Variants in CCDC102B observed in about 807,000 individuals in gnomAD.
The protein encoded by CCDC102B is coiled-coil domain containing 102B.
Under a neutral mutation model 57.4 loss-of-function variants are expected in CCDC102B, and 75 were observed. The ratio of observed to expected loss-of-function variants is 1.31; its 90% CI spans 1.08 to 1.58. The LOEUF is 1.58. Among genes scored for constraint, CCDC102B ranks in the 40% most tolerant of loss-of-function variants. The pLI is 0.00. For synonymous variants in CCDC102B, 206 were observed against 201.9 expected (o/e 1.02, Z -0.17); for missense variants, 636 against 582.6 (o/e 1.09, Z -0.94).
At chr18:68,724,751 A>G (rs945142864) in intron 2 of CCDC102B, among the ~76,000 whole-genome samples, 1 of 152,152 alleles carries the variant, frequency 6.6e-6, no homozygotes, top group South Asian at 2.1e-4. Flanking sequence ...AGTCTCTAGG[A>G]AGTTCCAAAC....
At chr18:69,048,906 T>G (rs2052630882) in intron 7 of CCDC102B, among the ~76,000 whole-genome samples, 1 of 152,122 alleles carries the variant, frequency 6.6e-6, no homozygotes, top group Non-Finnish European at 1.5e-5. Context: ...TTATTTATTT[T>G]TATTTATTTA....
chr18:68,874,801 A>G lies in CCDC102B; in HGVS notation c.1053+16A>G. 1 of 1,397,178 alleles carries G rather than the reference A, an allele frequency of 7.2e-7. No homozygotes were observed. The highest frequency in any genetic ancestry group is 1.2e-5 in the South Asian group (1 of 86,332). 86.5% of individuals were successfully genotyped at this position (1,397,178 alleles called of 1,614,324 possible). ...AAGAGCAGAGGTAAGACACTGGGTAAAGAGTACCATATATATTAAAACATA... is the reference window on the plus strand; with the variant it reads ...AAGAGCAGAGGTAAGACACTGGGTAGAGAGTACCATATATATTAAAACATA... On this transcript the variant is annotated intron_variant, in intron 5 of 7. Coordinates refer to ENST00000360242, the MANE Select transcript of CCDC102B (RefSeq NM_024781.3).
intron 2 of CCDC102B, among the ~76,000 whole-genome samples, chr18:68,749,036 T>C (rs1178806810): frequency 1.3e-5 from 2 of 152,174 alleles, no homozygotes; most frequent in African/African-American, 4.8e-5. Flanking sequence ...ATAGGGAATC[T>C]TTTCCCCACT....
At chr18:69,032,652 G>A (rs1240611027) in intron 7 of CCDC102B, among the ~76,000 whole-genome samples, 1 of 152,016 alleles carries the variant, frequency 6.6e-6, no homozygotes, top group Non-Finnish European at 1.5e-5. Context: ...TTATCAAGGC[G>A]GCACACCATA....
chr18:68,933,223 A>ACT (rs1415292061), intron 6 of CCDC102B, among the ~76,000 whole-genome samples: 1 of 151,850 alleles, frequency 6.6e-6, no homozygotes, highest in Non-Finnish European at 1.5e-5. Flanking sequence ...GGGCTGGCTG[A>ACT]CTCTAACAAT....
At chr18:69,021,413 G>GT (rs1483149126) in intron 7 of CCDC102B, among the ~76,000 whole-genome samples, 1 of 152,166 alleles carries the variant, frequency 6.6e-6, no homozygotes, top group Non-Finnish European at 1.5e-5. Context: ...GACACAGACA[G>GT]TGACAGTTTC....
intron 5 of CCDC102B, among the ~76,000 whole-genome samples, chr18:68,880,123 G>C (rs970243473): frequency 2.0e-5 from 3 of 152,202 alleles, no homozygotes; most frequent in African/African-American, 7.2e-5. Flanking sequence ...GCGGGCTGCA[G>C]GTCCCGAGCC....
chr18:69,051,476 A>G (rs1215792061), intron 7 of CCDC102B, among the ~76,000 whole-genome samples: 1 of 152,050 alleles, frequency 6.6e-6, no homozygotes, highest in African/African-American at 2.4e-5. Flanking sequence ...ATTATCCCAT[A>G]GAGTTAATGA....
At chr18:68,912,225 C>T (rs1295041438) in intron 6 of CCDC102B, among the ~76,000 whole-genome samples, 1 of 152,118 alleles carries the variant, frequency 6.6e-6, no homozygotes, top group African/African-American at 2.4e-5. Context: ...GAGCAACAGC[C>T]TCCTGATTCT....
At chr18:68,956,360 A>ATAATATATATT in intron 6 of CCDC102B, among the ~76,000 whole-genome samples, 1 of 74,942 alleles carries the variant, frequency 1.3e-5, no homozygotes, top group East Asian at 5.2e-4. Context: ...TAATATATAT[A>ATAATATATATT]ATATATATAT....
intron 5 of CCDC102B, among the ~76,000 whole-genome samples, chr18:68,892,960 A>G (rs2040130201): frequency 6.6e-6 from 1 of 152,190 alleles, no homozygotes; most frequent in African/African-American, 2.4e-5. Context: ...TTGCAAATCA[A>G]TTACTGGAAC....
chr18:69,048,806 C>T (rs530560239), intron 7 of CCDC102B, among the ~76,000 whole-genome samples: 6 of 151,958 alleles, frequency 3.9e-5, no homozygotes, highest in Non-Finnish European at 5.9e-5. Flanking sequence ...ACTTTAATAA[C>T]GCTGGTATAG....
At chr18:68,976,285 A>G (rs1237709132) in intron 6 of CCDC102B, among the ~76,000 whole-genome samples, 1 of 152,012 alleles carries the variant, frequency 6.6e-6, no homozygotes, top group African/African-American at 2.4e-5. Context: ...TTTGAATAGT[A>G]ACTGGTTATC....
At chr18:68,875,965 A>G (rs1424822856) in intron 5 of CCDC102B, among the ~76,000 whole-genome samples, 1 of 152,118 alleles carries the variant, frequency 6.6e-6, no homozygotes, top group Non-Finnish European at 1.5e-5. Context: ...CAAGAGGTCC[A>G]TTATGAGAAA....
rs1491296876 is a variant in CCDC102B, at chr18:68,733,507, T to TATATATATATATATATATATATA, written c.-67+16913_-67+16914insATATATATATATATATATATATA. 4.1e-4 allele frequency among the ~76,000 whole-genome samples: 31 copies of TATATATATATATATATATATATA among 76,120 alleles called. 2 individuals are homozygous for TATATATATATATATATATATATA. Among genetic ancestry groups the TATATATATATATATATATATATA allele is most frequent in the African/African-American group, 1.0e-3 (17 of 17,006 alleles). 49.9% of individuals were successfully genotyped at this position (76,120 alleles called of 152,430 possible). On this transcript the variant is annotated intron_variant, in intron 2 of 3. Transcript: ENST00000578970. ...ATATATATATATATATATATATATA[T>TATATATATATATATATATATATA]TTTTTTAACTTAAGCATGCTTTAAG...
chr18:68,879,220 G>A (rs1420924549), intron 5 of CCDC102B, among the ~76,000 whole-genome samples: 3 of 152,042 alleles, frequency 2.0e-5, no homozygotes, highest in African/African-American at 7.2e-5. Flanking sequence ...TCCTCCCGGT[G>A]GGCTCTTGGT....
intron 5 of CCDC102B, among the ~76,000 whole-genome samples, chr18:68,896,585 G>A (rs1019631054): frequency 6.6e-6 from 1 of 151,850 alleles, no homozygotes; most frequent in Non-Finnish European, 1.5e-5. Context: ...AGAAATGAGC[G>A]TGGCCATGTC....
chr18:69,047,796 A>C (rs773064244), intron 7 of CCDC102B, among the ~76,000 whole-genome samples: 1 of 152,092 alleles, frequency 6.6e-6, no homozygotes, highest in Non-Finnish European at 1.5e-5. Context: ...AATAGCCCCC[A>C]AAAGAATAGA....
At chr18:68,780,470 GTT>G (rs35742450) in intron 2 of CCDC102B, among the ~76,000 whole-genome samples, 77 of 139,856 alleles carry the variant, frequency 5.5e-4, no homozygotes, top group East Asian at 1.7e-3. Context: ...ATCAACACTT[GTT>G]TTTTTTTTTT....
Sources: allele counts gnomAD v4.1 joint callset (sites outside exome capture counted in the v4.1 genomes callset), GRCh38; gene constraint gnomAD v4.1.1; transcripts MANE v1.5; gene names NCBI Gene and HGNC (gene_info 2026-07-23, HGNC 2026-07-21).